OCA2: variants seen among roughly 807,000 people sequenced by gnomAD.
OCA2 encodes OCA2 melanosomal transmembrane protein, also known as P protein.
Under a neutral mutation model 100.2 loss-of-function variants are expected in OCA2, and 77 were observed. The observed-to-expected ratio is 0.77, with a 90% CI of 0.64 to 0.93. The LOEUF (loss-of-function observed/expected upper bound fraction) is 0.93, where lower values mean the gene tolerates loss of function less well. Among genes scored for constraint, OCA2 ranks in the 40% least tolerant of loss-of-function variants. The pLI, the probability that OCA2 is intolerant of heterozygous loss-of-function variation, is 0.00. For synonymous variants in OCA2, 432 were observed against 439.2 expected (o/e 0.98, Z 0.21); for missense variants, 1,062 against 1,089.1 (o/e 0.98, Z 0.35).
At chr15:27,969,682 C>A (rs1205784730) in intron 14 of OCA2, among the ~76,000 whole-genome samples, 2 of 152,244 alleles carry the variant, frequency 1.3e-5, no homozygotes, top group South Asian at 2.1e-4. Flanking sequence ...ATATTAGGCA[C>A]GTAAACCAAA....
intron 23 of OCA2, among the ~76,000 whole-genome samples, chr15:27,787,870 A>G (rs925511035): frequency 6.6e-6 from 1 of 151,912 alleles, no homozygotes; most frequent in Non-Finnish European, 1.5e-5. Context: ...CTTCAACTCC[A>G]TAAATTTTCT....
chr15:27,915,866 A>G lies in OCA2; in HGVS notation c.2079+10261T>C, dbSNP rs180808175. Among the ~76,000 whole-genome samples, 26 of 152,316 alleles carry G rather than the reference A, an allele frequency of 1.7e-4. No individual in the cohort carries two copies. In the East Asian group the frequency reaches 5.0e-3, roughly 29 times the overall value. Reference sequence around the variant, plus strand: ...CTGTATATGTACCCAAAGGAATATAAATCATTCTACCACAAAGACACATGC... The same window carrying G: ...CTGTATATGTACCCAAAGGAATATAGATCATTCTACCACAAAGACACATGC... On this transcript the variant is annotated intron_variant, in intron 19 of 23. Coordinates refer to ENST00000354638, the MANE Select transcript of OCA2 (RefSeq NM_000275.3).
At chr15:27,875,258 T>C (rs886531081) in intron 19 of OCA2, among the ~76,000 whole-genome samples, 1 of 152,186 alleles carries the variant, frequency 6.6e-6, no homozygotes, top group Non-Finnish European at 1.5e-5. Flanking sequence ...ATGTTTTCTT[T>C]CCTAAATAAA....
At chr15:28,055,281 C>T (rs1367112804) in intron 2 of OCA2, among the ~76,000 whole-genome samples, 1 of 152,160 alleles carries the variant, frequency 6.6e-6, no homozygotes, top group Non-Finnish European at 1.5e-5. Context: ...CATTCCTTCT[C>T]GTCTTTCGTG....
At chr15:27,836,095 C>T (rs947328300) in intron 23 of OCA2, among the ~76,000 whole-genome samples, 1 of 152,194 alleles carries the variant, frequency 6.6e-6, no homozygotes, top group African/African-American at 2.4e-5. Context: ...ATGCTCCTAG[C>T]TCTCAGCTCC....
At chr15:27,816,687 T>C (rs1425938312) in intron 23 of OCA2, among the ~76,000 whole-genome samples, 2 of 152,158 alleles carry the variant, frequency 1.3e-5, no homozygotes, top group Non-Finnish European at 2.9e-5. Flanking sequence ...ATGCCCAGGA[T>C]GACGATACCC....
At chr15:28,030,671 A>G (rs1030569347) in intron 3 of OCA2, among the ~76,000 whole-genome samples, 5 of 152,206 alleles carry the variant, frequency 3.3e-5, no homozygotes, top group Non-Finnish European at 7.3e-5. Context: ...CTGGGGAGAG[A>G]GGAGGCAGCT....
chr15:28,045,299 T>C (rs969822927), intron 2 of OCA2, among the ~76,000 whole-genome samples: 11 of 152,216 alleles, frequency 7.2e-5, no homozygotes, highest in Non-Finnish European at 1.5e-4. Flanking sequence ...ACAATAGGAA[T>C]ATATACATGT....
chr15:27,882,030 C>T lies in OCA2; in HGVS notation c.2080-10108G>A, dbSNP rs116787370. Among the ~76,000 whole-genome samples the T allele has an allele frequency of 2.7e-3, 411 of 152,226 alleles. 2 individuals are homozygous for T. The highest frequency in any genetic ancestry group is 9.5e-3 in the African/African-American group (396 of 41,550). On this transcript the variant is annotated intron_variant, in intron 19 of 23. Transcript: ENST00000354638. Reference sequence around the variant, plus strand: ...TTTGGTGCTGTAAATTCCCCTCTTACCACTGCTTTAGCTGCATCCCAGAGG... The same window carrying T: ...TTTGGTGCTGTAAATTCCCCTCTTATCACTGCTTTAGCTGCATCCCAGAGG...
At chr15:28,045,613 T>A (rs2043324905) in intron 2 of OCA2, among the ~76,000 whole-genome samples, 1 of 152,196 alleles carries the variant, frequency 6.6e-6, no homozygotes, top group Non-Finnish European at 1.5e-5. Context: ...TGGCTGGACC[T>A]CACACTCACC....
At position 28,080,333 on chromosome 15, in the gene OCA2, T is replaced by C. The variant is rs76413459; in HGVS notation, c.227+1315A>G. On this transcript the variant is annotated intron_variant, in intron 2 of 23. Coordinates refer to ENST00000354638, the MANE Select transcript of OCA2 (RefSeq NM_000275.3). The stretch of plus-strand genomic sequence containing the variant: ...AACATTTGCTGCAGGCTGTTTTTAA[T>C]AGCACATACTGGGGGATGAGGAGCA... Among the ~76,000 whole-genome samples, 145 of 152,312 alleles carry C rather than the reference T, an allele frequency of 9.5e-4. 1 individual carries two copies. Among genetic ancestry groups the C allele is most frequent in the Non-Finnish European group, 1.8e-3 (122 of 68,024 alleles).
At chr15:27,975,857 A>G (rs2040948267) in intron 14 of OCA2, among the ~76,000 whole-genome samples, 1 of 152,190 alleles carries the variant, frequency 6.6e-6, no homozygotes, top group Non-Finnish European at 1.5e-5. Flanking sequence ...GCTTGAATTT[A>G]TAGATTAATT....
intron 9 of OCA2, among the ~76,000 whole-genome samples, chr15:27,994,339 G>A (rs1281369337): frequency 6.6e-6 from 1 of 152,082 alleles, no homozygotes; most frequent in African/African-American, 2.4e-5. Flanking sequence ...CCCACCCCAC[G>A]GTCCATGGAA....
chr15:27,892,017 A>G (rs1167163489), intron 19 of OCA2, among the ~76,000 whole-genome samples: 3 of 152,190 alleles, frequency 2.0e-5, no homozygotes, highest in African/African-American at 4.8e-5. Context: ...CCAGGAAGAT[A>G]CAACAATCCT....
chr15:28,034,172 G>C (rs1193237171), intron 2 of OCA2, among the ~76,000 whole-genome samples: 1 of 152,002 alleles, frequency 6.6e-6, no homozygotes, highest in Admixed American at 6.6e-5. Flanking sequence ...CACACTTGTA[G>C]TCCTAACTAC....
At position 27,926,242 on chromosome 15, in the gene OCA2, A is replaced by T. The variant is rs186953916; in HGVS notation, c.1964T>A (p.Ile655Asn). ...AATTAGCAACCAGATGGCACCCAGA[A>T]TAGCAATCCATCCTGAAAATAAGTA... ...GIHLDLGWIA[I>N]LGAIWLLILA... The change falls in exon 19 of 24, where the codon ATT (isoleucine) becomes AAT (asparagine). Residue 655 changes from isoleucine to asparagine, a missense_variant. By Grantham distance (149) the Ile-to-Asn change is moderately radical. Transcript: ENST00000354638. The T allele has an allele frequency of 4.3e-6, 7 of 1,614,042 alleles. No homozygotes were observed. The East Asian group carries it at 1.3e-4, about 31-fold the overall frequency.
intron 9 of OCA2, among the ~76,000 whole-genome samples, chr15:27,994,630 C>T (rs985049304): frequency 2.6e-5 from 4 of 152,234 alleles, no homozygotes; most frequent in African/African-American, 9.6e-5. Context: ...CTCCTGTGAG[C>T]ATGGCGTGCC....
intron 10 of OCA2, 140 bp downstream of exon 10, chr15:27,990,436 C>T (rs1167270384): frequency 4.8e-6 from 4 of 832,630 alleles, no homozygotes; most frequent in Non-Finnish European, 6.2e-6. Flanking sequence ...TAGTTCATAC[C>T]TCTAGCATGG....
intron 23 of OCA2, among the ~76,000 whole-genome samples, chr15:27,779,623 A>G (rs1001449941): frequency 6.6e-6 from 1 of 152,136 alleles, no homozygotes; most frequent in African/African-American, 2.4e-5. Flanking sequence ...ATCTTTTTCT[A>G]TCCTTTTACT....
Sources: gnomAD v4.1 joint callset for allele counts (sites outside exome capture counted in the v4.1 genomes callset) on GRCh38, gnomAD v4.1.1 for gene constraint, MANE v1.5 for transcripts, NCBI Gene and HGNC (gene_info 2026-07-23, HGNC 2026-07-21) for gene names.